The following DTWD2 variants were observed in gnomAD, a reference collection of about 807,000 sequenced individuals.
DTWD2 encodes DTW motif tRNA-uridine aminocarboxypropyltransferase 2.
DTWD2 carries 39 observed loss-of-function variants against 31.8 expected under a neutral mutation model. The ratio of observed to expected loss-of-function variants is 1.22; its 90% CI spans 0.95 to 1.60. DTWD2 has a LOEUF of 1.60. Ranked by LOEUF, DTWD2 falls within the 40% of genes most tolerant of loss-of-function variation. The pLI, the probability that DTWD2 is intolerant of heterozygous loss-of-function variation, is 0.00. For missense variants in DTWD2, 515 were observed against 381.5 expected, an observed-to-expected ratio of 1.35 and a Z score of -2.92; for synonymous variants, 180 against 142.8, an observed-to-expected ratio of 1.26 and a Z score of -1.86.
chr5:118,933,165 G>A (rs1044961545), intron 3 of DTWD2, among the ~76,000 whole-genome samples: 12 of 152,036 alleles, frequency 7.9e-5, no homozygotes, highest in East Asian at 7.7e-4. Context: ...AAATTGAATC[G>A]ATAATTAATA....
intron 5 of DTWD2, among the ~76,000 whole-genome samples, chr5:118,842,779 A>G (rs1751749229): frequency 6.6e-6 from 1 of 151,308 alleles, no homozygotes; most frequent in Non-Finnish European, 1.5e-5. Flanking sequence ...TTAAAAAAAA[A>G]AAAAGAAAAT....
chr5:118,918,055 G>A (rs1400663075), intron 4 of DTWD2, among the ~76,000 whole-genome samples: 3 of 151,976 alleles, frequency 2.0e-5, no homozygotes, highest in African/African-American at 4.8e-5. Flanking sequence ...CTCCAATGAG[G>A]TCCCACCCCC....
intron 4 of DTWD2, among the ~76,000 whole-genome samples, chr5:118,870,202 C>G (rs1436397617): frequency 1.3e-5 from 2 of 152,190 alleles, no homozygotes; most frequent in African/African-American, 4.8e-5. Context: ...GCAATGCAAA[C>G]AGCCTAATAC....
At chr5:118,842,423 G>A (rs1203712761) in intron 5 of DTWD2, among the ~76,000 whole-genome samples, 5 of 152,096 alleles carry the variant, frequency 3.3e-5, no homozygotes, top group Non-Finnish European at 7.4e-5. Flanking sequence ...GTTGAAGGTA[G>A]GACAAGCATC....
intron 2 of DTWD2, among the ~76,000 whole-genome samples, chr5:118,940,267 C>T (rs531246790): frequency 6.6e-5 from 10 of 152,280 alleles, no homozygotes; most frequent in Middle Eastern, 3.4e-3. Context: ...TTAGTTACTC[C>T]GCCTTAGGTG....
At chr5:118,877,490 A>T (rs1286647056) in intron 4 of DTWD2, among the ~76,000 whole-genome samples, 1 of 151,990 alleles carries the variant, frequency 6.6e-6, no homozygotes, top group East Asian at 1.9e-4. Context: ...AAAAAATAAA[A>T]AAAATAAAAA....
At chr5:118,927,444 T>C (rs567123866) in intron 4 of DTWD2, among the ~76,000 whole-genome samples, 9 of 152,250 alleles carry the variant, frequency 5.9e-5, no homozygotes, top group African/African-American at 1.9e-4. Flanking sequence ...CCTAAAAGCT[T>C]ATATTTTAAA....
In DTWD2 at chr5:118,852,115, C is replaced by A. The variant is rs575637215; in HGVS notation, c.598-3897G>T. On this transcript the variant is annotated intron_variant, in intron 4 of 5. Coordinates refer to ENST00000510708, the MANE Select transcript of DTWD2 (RefSeq NM_173666.4). ...TTTAGTGATATCTCTCCTACTTGCACCTCCGTTTATAGGCTCTCTGCAAGA... is the reference window on the plus strand; with the variant it reads ...TTTAGTGATATCTCTCCTACTTGCAACTCCGTTTATAGGCTCTCTGCAAGA... 3.9e-5 allele frequency among the ~76,000 whole-genome samples: 6 copies of A among 152,244 alleles called. No individual in the cohort carries two copies. In the East Asian group the frequency reaches 1.2e-3, roughly 29 times the overall value.
intron 4 of DTWD2, among the ~76,000 whole-genome samples, chr5:118,879,639 T>C (rs1278247570): frequency 6.9e-6 from 1 of 144,776 alleles, no homozygotes; most frequent in East Asian, 2.1e-4. Context: ...AAGAACGAGA[T>C]CATGTCCTTT....
intron 4 of DTWD2, among the ~76,000 whole-genome samples, chr5:118,874,555 C>T (rs1323209553): frequency 2.0e-5 from 3 of 152,060 alleles, no homozygotes; most frequent in Non-Finnish European, 4.4e-5. Flanking sequence ...ATAAGAATTT[C>T]ACAATGCAAT....
intron 4 of DTWD2, among the ~76,000 whole-genome samples, chr5:118,902,669 G>T (rs1034894181): frequency 2.6e-5 from 4 of 151,830 alleles, no homozygotes; most frequent in Non-Finnish European, 5.9e-5. Flanking sequence ...ACACCCATCT[G>T]GAAAAAGTAA....
intron 4 of DTWD2, among the ~76,000 whole-genome samples, chr5:118,858,795 TCAAA>T (rs1332228848): frequency 6.6e-6 from 1 of 152,184 alleles, no homozygotes; most frequent in African/African-American, 2.4e-5. Flanking sequence ...CCTAGTATCA[TCAAA>T]CAAATTTCTC....
chr5:118,862,387 G>C (rs1052696076), intron 4 of DTWD2, among the ~76,000 whole-genome samples: 3 of 152,152 alleles, frequency 2.0e-5, no homozygotes, highest in African/African-American at 7.2e-5. Context: ...TACATCCAGG[G>C]AGTTTTAGAT....
intron 5 of DTWD2, among the ~76,000 whole-genome samples, chr5:118,845,147 A>G (rs1751820475): frequency 6.6e-6 from 1 of 152,120 alleles, no homozygotes; most frequent in Non-Finnish European, 1.5e-5. Context: ...ACTCTGTTGG[A>G]AAAGAAAAAG....
chr5:118,880,125 A>G (rs1296493335), intron 4 of DTWD2, among the ~76,000 whole-genome samples: 1 of 152,232 alleles, frequency 6.6e-6, no homozygotes, highest in African/African-American at 2.4e-5. Flanking sequence ...CTAGTGCTCA[A>G]TTCACATCCA....
chr5:118,900,632 A>T (rs1753183677), intron 4 of DTWD2, among the ~76,000 whole-genome samples: 1 of 152,184 alleles, frequency 6.6e-6, no homozygotes, highest in South Asian at 2.1e-4. Flanking sequence ...TGAAAAAATG[A>T]CTCAAAATCA....
At position 118,844,881 on chromosome 5, in the gene DTWD2, TC is replaced by T. The variant is rs368039530; in HGVS notation, c.726+3208del. On this transcript the variant is annotated intron_variant, in intron 5 of 5. Transcript: ENST00000510708. Reference sequence around the variant, plus strand: ...AGGCACAGTAGCTCAGACCTGTAATTCCAACATTTTGGCAGGCGAAGGCAGG... The same window carrying T: ...AGGCACAGTAGCTCAGACCTGTAATTCAACATTTTGGCAGGCGAAGGCAGG... Among the ~76,000 whole-genome samples, 54 of 152,196 alleles carry T rather than the reference TC, an allele frequency of 3.5e-4. No individual in the cohort carries two copies. The East Asian group carries it at 7.2e-3, about 20-fold the overall frequency.
intron 4 of DTWD2, among the ~76,000 whole-genome samples, chr5:118,897,649 A>G (rs1001924834): frequency 1.3e-5 from 2 of 152,186 alleles, no homozygotes; most frequent in Non-Finnish European, 2.9e-5. Context: ...AACTGCAACA[A>G]TAGCCACACA....
Position 118,840,838 on chromosome 5 carries a change from A to T in DTWD2, c.*79T>A. On this transcript the variant is annotated 3_prime_UTR_variant, in exon 6 of 6. Transcript: ENST00000510708. ...TCCTTCTTTAGCAAGTCAAAAACCT[A>T]CAGACCTTAACTATATGAAAACTTA... 1 of 1,451,126 alleles carries T rather than the reference A, an allele frequency of 6.9e-7. No homozygotes were observed. The highest frequency in any genetic ancestry group is 1.4e-5 in the African/African-American group (1 of 69,722). 89.9% of individuals were successfully genotyped at this position (1,451,126 alleles called of 1,614,324 possible).
Sources: allele counts gnomAD v4.1 joint callset (sites outside exome capture counted in the v4.1 genomes callset), GRCh38; gene constraint gnomAD v4.1.1; transcripts MANE v1.5; gene names NCBI Gene and HGNC (gene_info 2026-07-23, HGNC 2026-07-21).